The following HIVEP2 variants were observed in gnomAD, a reference collection of about 807,000 sequenced individuals.
HIVEP2 encodes the protein HIVEP zinc finger 2.
HIVEP2 carries 14 observed loss-of-function variants against 180.7 expected under a neutral mutation model. The ratio of observed to expected loss-of-function variants is 0.08; its 90% CI spans 0.05 to 0.12. The LOEUF (loss-of-function observed/expected upper bound fraction) is 0.12. Among genes scored for constraint, HIVEP2 ranks in the 10% least tolerant of loss-of-function variants. The pLI is 1.00. For missense variants in HIVEP2, 2,579 were observed against 3,008.5 expected (o/e 0.86, Z 3.34); for synonymous variants, 1,184 against 1,136.4 (o/e 1.04, Z -0.84).
chr6:142,888,175 AG>A (rs573387519), intron 1 of HIVEP2, among the ~76,000 whole-genome samples: 152 of 152,258 alleles, frequency 1.0e-3, no homozygotes, highest in Middle Eastern at 6.8e-3. Context: ...TTTCTCCTTT[AG>A]TCTCAGTATT....
chr6:142,927,167 C>T (rs1173603758), intron 1 of HIVEP2, among the ~76,000 whole-genome samples: 1 of 152,122 alleles, frequency 6.6e-6, no homozygotes, highest in Non-Finnish European at 1.5e-5. Flanking sequence ...CTCGCAAGCC[C>T]AGCGCTCCCA....
At chr6:142,817,373 T>A (rs1005701868) in intron 2 of HIVEP2, among the ~76,000 whole-genome samples, 3 of 152,234 alleles carry the variant, frequency 2.0e-5, no homozygotes, top group Non-Finnish European at 4.4e-5. Flanking sequence ...TCATTTGATC[T>A]CATTTGGAGA....
intron 2 of HIVEP2, among the ~76,000 whole-genome samples, chr6:142,799,739 G>A (rs779627673): frequency 5.3e-5 from 8 of 152,124 alleles, no homozygotes; most frequent in Non-Finnish European, 1.0e-4. Flanking sequence ...CAAGGTGGTA[G>A]AATAGCAAAC....
At chr6:142,859,613 C>A (rs547944955) in intron 1 of HIVEP2, among the ~76,000 whole-genome samples, 291 of 151,926 alleles carry the variant, frequency 1.9e-3, no homozygotes, top group African/African-American at 6.8e-3. Context: ...GTGGGTGGAT[C>A]ATCTGAGGTC....
At position 142,773,864 on chromosome 6, in the gene HIVEP2, G is replaced by C. The variant is rs778324073; in HGVS notation, c.875C>G (p.Ser292Cys). 6.2e-6 allele frequency: 10 copies of C among 1,613,512 alleles called. No homozygotes were observed. In the Admixed American group the frequency reaches 1.0e-4, roughly 16 times the overall value. The change falls in exon 5 of 10, where the codon TCT becomes TGT. Residue 292 changes from serine (S) to cysteine (C), a missense_variant. Ser to Cys is a moderately radical substitution (Grantham distance 112). This residue lies in a region of HIVEP2 where 142 missense variants were observed against 135.2 expected (regional missense o/e 1.05). Transcript: ENST00000367603. ...GGGTGGACCAGGACTCATTTTGTCA[G>C]AAGCCTCGGCAAATAAAGAACTCTC... Reference protein sequence around the residue: ...DEESSLFAEASDKMSPGPPIP... With the variant: ...DEESSLFAEACDKMSPGPPIP...
At chr6:142,846,296 A>G (rs1775515129) in intron 1 of HIVEP2, among the ~76,000 whole-genome samples, 1 of 152,186 alleles carries the variant, frequency 6.6e-6, no homozygotes, top group African/African-American at 2.4e-5. Context: ...AGAAAAAAGA[A>G]AAGAATATAC....
Position 142,897,357 on chromosome 6 carries a change from C to T in HIVEP2, c.-641+47742G>A, listed in dbSNP as rs191519838. 8.0e-3 allele frequency among the ~76,000 whole-genome samples: 1,222 copies of T among 152,276 alleles called. 6 individuals carry two copies. Among genetic ancestry groups the T allele is most frequent in the Non-Finnish European group, 0.012 (817 of 68,024 alleles). On this transcript the variant is annotated intron_variant, in intron 1 of 9. Coordinates refer to ENST00000367603, the MANE Select transcript of HIVEP2 (RefSeq NM_006734.4). ...ACTACTAAAGTGGAATTCATGCAAG[C>T]CCCATGATGTAGCGACTCCACCCCT...
chr6:142,795,233 A>C (rs1776253353), intron 2 of HIVEP2, among the ~76,000 whole-genome samples: 1 of 152,202 alleles, frequency 6.6e-6, no homozygotes, highest in Admixed American at 6.5e-5. Flanking sequence ...GTTTGCCAAA[A>C]TCTGCAGGCC....
rs1217347138 is a variant in HIVEP2 at position 142,753,111 on chromosome 6, T to C, written c.7337A>G (p.His2446Arg). ...KDPSSEKSQL[H>R] The stretch of plus-strand genomic sequence containing the variant: ...AAAGTCTCCATGCATCATAGATCAA[T>C]GTAGCTGACTCTTTTCTGATGAAGG... Residue 2446 changes from histidine to arginine, a missense_variant, in exon 10 of 10, where the codon CAT (histidine) becomes CGT (arginine). Coordinates refer to ENST00000367603, the MANE Select transcript of HIVEP2 (RefSeq NM_006734.4). The C allele has an allele frequency of 2.5e-6, 4 of 1,572,080 alleles. No homozygotes were observed. The highest frequency in any genetic ancestry group is 3.5e-6 in the Non-Finnish European group (4 of 1,141,582).
intron 2 of HIVEP2, among the ~76,000 whole-genome samples, chr6:142,810,841 T>C (rs918667239): frequency 6.7e-6 from 1 of 149,856 alleles, no homozygotes; most frequent in Non-Finnish European, 1.5e-5. Flanking sequence ...GGCTATAGGA[T>C]CTGTCTTCAA....
At chr6:142,922,835 C>A (rs1259997025) in intron 1 of HIVEP2, among the ~76,000 whole-genome samples, 1 of 152,122 alleles carries the variant, frequency 6.6e-6, no homozygotes, top group African/African-American at 2.4e-5. Context: ...TTTTAAAAGA[C>A]TGTCTTGTCC....
At chr6:142,765,211 C>T (rs1186417995) in intron 6 of HIVEP2, among the ~76,000 whole-genome samples, 1 of 152,156 alleles carries the variant, frequency 6.6e-6, no homozygotes, top group African/African-American at 2.4e-5. Flanking sequence ...ATGGAATTGG[C>T]TTCACTATTA....
At chr6:142,927,593 C>T (rs1777848304) in intron 1 of HIVEP2, among the ~76,000 whole-genome samples, 1 of 152,152 alleles carries the variant, frequency 6.6e-6, no homozygotes, top group South Asian at 2.1e-4. Flanking sequence ...TTATTAGGAC[C>T]TTAAGTTATC....
chr6:142,787,936 C>A (rs1236174799), intron 2 of HIVEP2, among the ~76,000 whole-genome samples: 1 of 152,146 alleles, frequency 6.6e-6, no homozygotes, highest in Non-Finnish European at 1.5e-5. Flanking sequence ...ACAGAGTTTT[C>A]ATAATAGGAG....
chr6:142,872,176 G>C (rs894921624), intron 1 of HIVEP2, among the ~76,000 whole-genome samples: 83 of 152,316 alleles, frequency 5.4e-4, no homozygotes, highest in African/African-American at 2.0e-3. Flanking sequence ...ATCTTTAGTA[G>C]TTGGGGAAAT....
At chr6:142,777,308 C>T (rs1255052279) in intron 3 of HIVEP2, among the ~76,000 whole-genome samples, 1 of 151,986 alleles carries the variant, frequency 6.6e-6, no homozygotes, top group Non-Finnish European at 1.5e-5. Context: ...AATATAGAAA[C>T]TTGTTCAGGG....
chr6:142,918,421 A>G (rs1157297077), intron 1 of HIVEP2, among the ~76,000 whole-genome samples: 1 of 152,224 alleles, frequency 6.6e-6, no homozygotes, highest in African/African-American at 2.4e-5. Context: ...ACGAATGTGG[A>G]TGCGGCATTC....
At chr6:142,809,587 G>GTTTGTTTA (rs1172318082) in intron 2 of HIVEP2, among the ~76,000 whole-genome samples, 9 of 151,680 alleles carry the variant, frequency 5.9e-5, no homozygotes, top group African/African-American at 2.2e-4. Context: ...TTTTCTGTTT[G>GTTTGTTTA]TTTGTTTGTT....
intron 3 of HIVEP2, among the ~76,000 whole-genome samples, chr6:142,779,950 C>A (rs1775806285): frequency 1.3e-5 from 2 of 152,048 alleles, no homozygotes; most frequent in Non-Finnish European, 2.9e-5. Context: ...ATGGTCAGAA[C>A]AAAACATGTC....
Sources: gnomAD v4.1 joint callset for allele counts (sites outside exome capture counted in the v4.1 genomes callset) on GRCh38, gnomAD v4.1.1 for gene constraint, gnomAD v4.1.1 regional missense constraint, MANE v1.5 for transcripts, NCBI Gene and HGNC (gene_info 2026-07-23, HGNC 2026-07-21) for gene names.